The following LPAR6 variants were observed in gnomAD, a reference collection of about 807,000 sequenced individuals.
LPAR6 encodes G-protein coupled purinergic receptor P2Y5.
In LPAR6, 17 loss-of-function variants were observed where a neutral mutation model predicts 22.0. The observed-to-expected ratio is 0.77, with a 90% CI of 0.53 to 1.16. LPAR6 has a LOEUF of 1.16. Ranked by LOEUF, LPAR6 falls within the 50% of genes most tolerant of loss-of-function variation. The pLI is 0.00. For missense variants in LPAR6, 384 were observed against 406.9 expected, an observed-to-expected ratio of 0.94 and a Z score of 0.48; for synonymous variants, 136 against 139.8, an observed-to-expected ratio of 0.97 and a Z score of 0.19.
intron 1 of LPAR6, among the ~76,000 whole-genome samples, chr13:48,393,054 A>G (rs1368740386): frequency 6.6e-6 from 1 of 152,180 alleles, no homozygotes; most frequent in African/African-American, 2.4e-5. Flanking sequence ...TACTCTACTG[A>G]ATATCCCATA....
At chr13:48,391,590 A>G (rs1246791047) in intron 1 of LPAR6, 2 of 152,170 alleles carry the variant, frequency 1.3e-5, no homozygotes, top group East Asian at 1.9e-4. Flanking sequence ...CTCTGTCTCT[A>G]TTCTTATAAA....
intron 1 of LPAR6, among the ~76,000 whole-genome samples, chr13:48,438,687 C>G (rs1949207488): frequency 6.6e-6 from 1 of 152,054 alleles, no homozygotes; most frequent in Non-Finnish European, 1.5e-5. Context: ...CCTTGTCTAC[C>G]TTTCTTCACT....
At chr13:48,408,390 A>T (rs1291701542), downstream of LPAR6, among the ~76,000 whole-genome samples, 1 of 152,024 alleles carries the variant, frequency 6.6e-6, no homozygotes, top group Non-Finnish European at 1.5e-5. Flanking sequence ...CACCTGAAAA[A>T]TTTTCTCAGC....
intron 1 of LPAR6, among the ~76,000 whole-genome samples, chr13:48,394,555 A>C (rs895992535): frequency 6.6e-6 from 1 of 152,136 alleles, no homozygotes; most frequent in Non-Finnish European, 1.5e-5. Flanking sequence ...GGGATGGTAG[A>C]GCTAGGTAGG....
At chr13:48,430,032 T>C (rs1949113660), upstream of LPAR6, among the ~76,000 whole-genome samples, 1 of 152,222 alleles carries the variant, frequency 6.6e-6, no homozygotes, top group African/African-American at 2.4e-5. Flanking sequence ...TTTGTTCACC[T>C]GTAGATACTG....
chr13:48,430,499 G>A (rs554560401), upstream of LPAR6, among the ~76,000 whole-genome samples: 113 of 152,228 alleles, frequency 7.4e-4, no homozygotes, highest in African/African-American at 2.7e-3. Flanking sequence ...CCAGCACTTT[G>A]GGAGGCGAGA....
At chr13:48,402,669 T>G (rs1316189746) in intron 1 of LPAR6, among the ~76,000 whole-genome samples, 1 of 152,130 alleles carries the variant, frequency 6.6e-6, no homozygotes, top group Non-Finnish European at 1.5e-5. Context: ...GCTGCCACTC[T>G]TGGCCTACAG....
At chr13:48,410,755 T>C (rs1025255848), downstream of LPAR6, among the ~76,000 whole-genome samples, 2 of 152,176 alleles carry the variant, frequency 1.3e-5, no homozygotes, top group African/African-American at 2.4e-5. Context: ...GCATACCATA[T>C]AGATAGCATC....
At chr13:48,409,943 T>C (rs190442961), downstream of LPAR6, among the ~76,000 whole-genome samples, 1 of 152,172 alleles carries the variant, frequency 6.6e-6, no homozygotes, top group Non-Finnish European at 1.5e-5. Context: ...GGTACTTTTT[T>C]TCTAAAGTAT....
chr13:48,394,135 G>A (rs1293683088), intron 1 of LPAR6, among the ~76,000 whole-genome samples: 2 of 152,132 alleles, frequency 1.3e-5, no homozygotes, highest in Non-Finnish European at 2.9e-5. Flanking sequence ...CACCTCACCC[G>A]GGAAGCACAA....
At chr13:48,396,662 T>G (rs1482398742) in intron 1 of LPAR6, among the ~76,000 whole-genome samples, 1 of 152,116 alleles carries the variant, frequency 6.6e-6, no homozygotes, top group Non-Finnish European at 1.5e-5. Flanking sequence ...CTAATTAAAC[T>G]AAAGAGCTTC....
intron 1 of LPAR6, among the ~76,000 whole-genome samples, chr13:48,435,857 G>A (rs1194451058): frequency 6.6e-6 from 1 of 151,988 alleles, no homozygotes; most frequent in East Asian, 1.9e-4. Context: ...TGTCAAAAAG[G>A]GAACAAAGAA....
downstream of LPAR6, among the ~76,000 whole-genome samples, chr13:48,409,926 T>C (rs1007670316): frequency 6.6e-6 from 1 of 152,152 alleles, no homozygotes; most frequent in African/African-American, 2.4e-5. Flanking sequence ...AAAGTTTTAG[T>C]GTACTTGGTA....
rs1025661287 is a variant in LPAR6 at position 48,411,181 on chromosome 13, G to C, written c.*208C>G. 16 of 470,226 alleles carry C rather than the reference G, an allele frequency of 3.4e-5. No individual in the cohort carries two copies. Among genetic ancestry groups the C allele is most frequent in the Non-Finnish European group, 5.3e-5 (14 of 262,688 alleles). 29.1% of individuals were successfully genotyped at this position (470,226 alleles called of 1,614,324 possible). On this transcript the variant is annotated 3_prime_UTR_variant, in exon 1 of 1. Transcript: ENST00000620633. ...TTTAATGAAGGAACAAATCAAAATG[G>C]CTCAGAAAAATCAGATGGAGTGGAT...
At chr13:48,398,732 C>G (rs1365266615) in intron 1 of LPAR6, among the ~76,000 whole-genome samples, 1 of 151,986 alleles carries the variant, frequency 6.6e-6, no homozygotes, top group Non-Finnish European at 1.5e-5. Flanking sequence ...ATCATTCATG[C>G]TGTTTTTACT....
chr13:48,428,414 T>C (rs1439108942), upstream of LPAR6, among the ~76,000 whole-genome samples: 40 of 135,434 alleles, frequency 3.0e-4, no homozygotes, highest in Middle Eastern at 4.0e-3. Context: ...ACCTCCAGCA[T>C]TGGGGAGCAC....
chr13:48,409,109 G>T, downstream of LPAR6, among the ~76,000 whole-genome samples: 1 of 149,636 alleles, frequency 6.7e-6, no homozygotes. Context: ...AAGGACCATG[G>T]TTAGTATCTT....
chr13:48,439,789 G>T (rs1413808471), intron 1 of LPAR6: 1 of 152,086 alleles, frequency 6.6e-6, no homozygotes, highest in Admixed American at 6.6e-5. Context: ...TTTGGGGAAG[G>T]TTTGAAAGAA....
intron 1 of LPAR6, among the ~76,000 whole-genome samples, chr13:48,391,808 AG>A (rs1948612914): frequency 6.6e-6 from 1 of 151,720 alleles, no homozygotes; most frequent in Admixed American, 6.6e-5. Context: ...TAGTAGAGAA[AG>A]GGTTTCACCA....
Sources: gnomAD v4.1 joint callset for allele counts (sites outside exome capture counted in the v4.1 genomes callset) on GRCh38, gnomAD v4.1.1 for gene constraint, MANE v1.5 for transcripts, NCBI Gene and HGNC (gene_info 2026-07-23, HGNC 2026-07-21) for gene names.